Variants in CCDC102B observed in about 807,000 individuals in gnomAD.
CCDC102B encodes coiled-coil domain containing 102B.
A neutral mutation model predicts 57.4 loss-of-function variants in CCDC102B; 75 were observed. The observed-to-expected ratio is 1.31, with a 90% CI of 1.08 to 1.58. The LOEUF (loss-of-function observed/expected upper bound fraction) is 1.58. Ranked by LOEUF, CCDC102B falls within the 40% of genes most tolerant of loss-of-function variation. CCDC102B has a pLI of 0.00. For missense variants in CCDC102B, 636 were observed against 582.6 expected, an observed-to-expected ratio of 1.09 and a Z score of -0.94; for synonymous variants, 206 against 201.9, an observed-to-expected ratio of 1.02 and a Z score of -0.17.
At chr18:68,850,498 G>GAGAAACCTTTAAA (rs2038073798) in intron 4 of CCDC102B, among the ~76,000 whole-genome samples, 1 of 151,994 alleles carries the variant, frequency 6.6e-6, no homozygotes, top group Non-Finnish European at 1.5e-5. Flanking sequence ...TACCTGTGAT[G>GAGAAACCTTTAAA]AGTTTCGTCT....
chr18:68,986,941 A>G (rs2050740020), intron 6 of CCDC102B, among the ~76,000 whole-genome samples: 1 of 152,198 alleles, frequency 6.6e-6, no homozygotes, highest in Non-Finnish European at 1.5e-5. Flanking sequence ...ATGAGTGGAA[A>G]AACATCCCAT....
At chr18:68,752,167 G>A (rs528318793) in intron 2 of CCDC102B, among the ~76,000 whole-genome samples, 172 of 152,240 alleles carry the variant, frequency 1.1e-3, no homozygotes, top group Non-Finnish European at 2.1e-3. Context: ...GGCTGAGGCA[G>A]GAGAATCAGT....
At chr18:68,896,858 A>G (rs2040260828) in intron 5 of CCDC102B, among the ~76,000 whole-genome samples, 1 of 151,998 alleles carries the variant, frequency 6.6e-6, no homozygotes, top group Non-Finnish European at 1.5e-5. Context: ...TATCCAATCA[A>G]AATTGCCCAT....
intron 2 of CCDC102B, among the ~76,000 whole-genome samples, chr18:68,731,605 C>T (rs1325958372): frequency 6.6e-6 from 1 of 151,242 alleles, no homozygotes; most frequent in Non-Finnish European, 1.5e-5. Context: ...GAGGGATAAA[C>T]AATTTTATAT....
intron 1 of CCDC102B, among the ~76,000 whole-genome samples, chr18:68,818,027 TTAC>T (rs1294633604): frequency 6.6e-6 from 1 of 152,208 alleles, no homozygotes; most frequent in East Asian, 1.9e-4. Context: ...ACACATTTCA[TTAC>T]TATTTTGTAT....
chr18:68,965,218 A>T (rs2050137932), intron 6 of CCDC102B, among the ~76,000 whole-genome samples: 1 of 151,942 alleles, frequency 6.6e-6, no homozygotes, highest in Non-Finnish European at 1.5e-5. Flanking sequence ...CTAGTCCCAC[A>T]GATCTCAGGA....
intron 2 of CCDC102B, among the ~76,000 whole-genome samples, chr18:68,778,179 G>C (rs183285970): frequency 6.0e-4 from 92 of 152,226 alleles, no homozygotes; most frequent in African/African-American, 2.2e-3. Context: ...AACTGTCGTA[G>C]TATATTTCTT....
intron 7 of CCDC102B, among the ~76,000 whole-genome samples, chr18:69,036,601 G>C (rs1568140837): frequency 6.6e-6 from 1 of 151,992 alleles, no homozygotes; most frequent in Non-Finnish European, 1.5e-5. Context: ...AGCCTAACCA[G>C]CATTCATTTG....
chr18:68,879,528 C>G (rs759228892), intron 5 of CCDC102B, among the ~76,000 whole-genome samples: 40 of 151,894 alleles, frequency 2.6e-4, no homozygotes, highest in African/African-American at 9.2e-4. Flanking sequence ...AGGTTCTCCA[C>G]GTCCCCACCA....
At chr18:68,836,639 A>AC in intron 1 of CCDC102B, 110 bp from the exon 2 acceptor site, 1 of 713,536 alleles carries the variant, frequency 1.4e-6, no homozygotes, top group South Asian at 1.9e-5. Context: ...ATAAAAAAAA[A>AC]GCATTGTTTT....
At chr18:68,932,675 A>T (rs965380130) in intron 6 of CCDC102B, among the ~76,000 whole-genome samples, 1 of 151,966 alleles carries the variant, frequency 6.6e-6, no homozygotes, top group African/African-American at 2.4e-5. Context: ...GGATTTGGGG[A>T]GAAGATACTA....
intron 2 of CCDC102B, among the ~76,000 whole-genome samples, chr18:68,774,352 T>C (rs595533): frequency 0.54 from 82,449 of 151,412 alleles, 22,818 homozygotes; most frequent in East Asian, 0.91. Context: ...TGGAGTCACA[T>C]TGATGCTTCC....
intron 6 of CCDC102B, among the ~76,000 whole-genome samples, chr18:68,998,987 T>G (rs1363038042): frequency 6.2e-5 from 5 of 80,848 alleles, no homozygotes; most frequent in African/African-American, 2.2e-4. Context: ...TATATATATA[T>G]ATATATATAT....
intron 2 of CCDC102B, among the ~76,000 whole-genome samples, chr18:68,760,941 T>C (rs1002647975): frequency 6.6e-6 from 1 of 152,104 alleles, no homozygotes; most frequent in East Asian, 1.9e-4. Flanking sequence ...TAAGATACAA[T>C]GTGCAGGCAA....
At chr18:68,786,229 T>C (rs1335257673) in intron 2 of CCDC102B, among the ~76,000 whole-genome samples, 1 of 152,146 alleles carries the variant, frequency 6.6e-6, no homozygotes, top group Non-Finnish European at 1.5e-5. Flanking sequence ...TTGGTTACTG[T>C]AGCCTTGTAG....
chr18:68,836,899 C>G lies in CCDC102B; in HGVS notation c.136C>G (p.Leu46Val). ...GGATACCTGTAATACCTGCTTCCCACTTCATGGGCTACAATCTCATGCTGC... is the reference window on the plus strand; with the variant it reads ...GGATACCTGTAATACCTGCTTCCCAGTTCATGGGCTACAATCTCATGCTGC... ...PRDTCNTCFP[L>V]HGLQSHAAHN... is the part of the protein sequence containing the mutation. The change falls in exon 2 of 8, where the codon CTT becomes GTT. Residue 46 changes from leucine (L) to valine (V), a missense_variant. Transcript: ENST00000360242. The G allele has an allele frequency of 6.2e-7, 1 of 1,614,172 alleles. No individual in the cohort carries two copies. The highest frequency in any genetic ancestry group is 2.2e-5 in the East Asian group (1 of 44,866).
chr18:68,915,109 C>A (rs930626855), intron 6 of CCDC102B, among the ~76,000 whole-genome samples: 1 of 152,234 alleles, frequency 6.6e-6, no homozygotes, highest in Non-Finnish European at 1.5e-5. Context: ...TATATATCTT[C>A]TAGTTACATT....
intron 3 of CCDC102B, among the ~76,000 whole-genome samples, chr18:68,841,272 A>G (rs1199842983): frequency 2.0e-5 from 3 of 152,176 alleles, no homozygotes; most frequent in Non-Finnish European, 4.4e-5. Context: ...TGACTAGTGC[A>G]CAGAAATCAA....
At chr18:68,816,558 C>G (rs1369770166) in intron 1 of CCDC102B, among the ~76,000 whole-genome samples, 2 of 149,050 alleles carry the variant, frequency 1.3e-5, no homozygotes, top group African/African-American at 2.5e-5. Flanking sequence ...CTCCGCCTCT[C>G]GGATTCACGC....
Sources: allele counts gnomAD v4.1 joint callset (sites outside exome capture counted in the v4.1 genomes callset), GRCh38; gene constraint gnomAD v4.1.1; transcripts MANE v1.5; gene names NCBI Gene and HGNC (gene_info 2026-07-23, HGNC 2026-07-21).